The following ZC4H2 variants were observed in gnomAD, a reference collection of about 807,000 sequenced individuals.
The protein encoded by ZC4H2 is zinc finger C4H2 domain-containing protein.
For missense variants in ZC4H2, 137 were observed against 173.9 expected (o/e 0.79, Z 1.19); for synonymous variants, 84 against 66.3 (o/e 1.27, Z -1.30).
intron 1 of ZC4H2, among the ~76,000 whole-genome samples, chrX:64,925,961 C>A (rs904153613): frequency 7.2e-5 from 8 of 111,859 alleles, no homozygotes; most frequent in African/African-American, 2.6e-4. Context: ...GGACCAAGAC[C>A]CTGACTAAAG....
At chrX:64,975,862 A>G (rs1290833709) in intron 1 of ZC4H2, among the ~76,000 whole-genome samples, 1 of 111,267 alleles carries the variant, frequency 9.0e-6, no homozygotes, top group Non-Finnish European at 1.9e-5. Flanking sequence ...ATTCCTCTGC[A>G]ACCCCCAGTT....
At chrX:64,951,174 T>C (rs1419166320) in intron 1 of ZC4H2, among the ~76,000 whole-genome samples, 1 of 112,496 alleles carries the variant, frequency 8.9e-6, no homozygotes, top group Non-Finnish European at 1.9e-5. Flanking sequence ...CCACGGTATA[T>C]ATGTGCCACA....
At chrX:65,010,555 T>C (rs1292652528) in intron 1 of ZC4H2, among the ~76,000 whole-genome samples, 2 of 111,712 alleles carry the variant, frequency 1.8e-5, no homozygotes, top group Non-Finnish European at 1.9e-5. Context: ...TATCCCATAG[T>C]AGGGGAAGGG....
intron 1 of ZC4H2, among the ~76,000 whole-genome samples, chrX:64,948,213 T>C (rs1489368521): frequency 3.6e-5 from 4 of 111,681 alleles, no homozygotes; most frequent in African/African-American, 6.5e-5. Context: ...CATCCAAACT[T>C]GGTTTATAAG....
At chrX:64,989,950 T>G (rs1320346935) in intron 1 of ZC4H2, among the ~76,000 whole-genome samples, 1 of 111,979 alleles carries the variant, frequency 8.9e-6, no homozygotes, top group Non-Finnish European at 1.9e-5. Flanking sequence ...GGTACAACCA[T>G]TATGGACAAT....
At chrX:65,033,623 G>T (rs919142228) in intron 1 of ZC4H2, among the ~76,000 whole-genome samples, 8 of 111,735 alleles carry the variant, frequency 7.2e-5, no homozygotes, top group Non-Finnish European at 9.4e-5. Flanking sequence ...TATAGATAAT[G>T]AATCTATTGA....
At chrX:64,932,169 A>G (rs1929785249) in intron 1 of ZC4H2, among the ~76,000 whole-genome samples, 1 of 110,912 alleles carries the variant, frequency 9.0e-6, no homozygotes, top group Admixed American at 9.6e-5. Flanking sequence ...TGATATAAGA[A>G]TAGCTACTCC....
At chrX:64,962,858 A>C (rs1043729149) in intron 1 of ZC4H2, among the ~76,000 whole-genome samples, 4 of 111,417 alleles carry the variant, frequency 3.6e-5, no homozygotes, top group Non-Finnish European at 5.7e-5. Context: ...AAAGAAATTA[A>C]GGTAGACACA....
intron 1 of ZC4H2, among the ~76,000 whole-genome samples, chrX:64,924,345 T>C (rs1929337179): frequency 8.9e-6 from 1 of 112,353 alleles, no homozygotes; most frequent in Admixed American, 9.5e-5. Context: ...ATAGAGGGTT[T>C]CAATATATAT....
At chrX:65,008,293 G>A (rs191115465) in intron 1 of ZC4H2, among the ~76,000 whole-genome samples, 1 of 111,655 alleles carries the variant, frequency 9.0e-6, no homozygotes, top group Non-Finnish European at 1.9e-5. Context: ...TATGGCTTTT[G>A]TCTAAAAGAT....
chrX:65,019,842 A>G (rs1337705508), intron 1 of ZC4H2, among the ~76,000 whole-genome samples: 3 of 112,322 alleles, frequency 2.7e-5, no homozygotes, highest in African/African-American at 9.7e-5. Context: ...AAGAACATAA[A>G]TGATCCGATG....
intron 1 of ZC4H2, among the ~76,000 whole-genome samples, chrX:64,946,818 G>C (rs1323818603): frequency 9.0e-6 from 1 of 111,307 alleles, no homozygotes; most frequent in Admixed American, 9.5e-5. Context: ...TCATTTCTTT[G>C]TTGTTTTCTA....
chrX:64,999,179 C>T (rs1411965758), intron 1 of ZC4H2, among the ~76,000 whole-genome samples: 1 of 108,969 alleles, frequency 9.2e-6, no homozygotes. Flanking sequence ...CTCCGGTCTG[C>T]AGATCCCAGT....
At chrX:64,949,991 A>G (rs1191765092) in intron 1 of ZC4H2, among the ~76,000 whole-genome samples, 1 of 112,054 alleles carries the variant, frequency 8.9e-6, no homozygotes, top group Non-Finnish European at 1.9e-5. Flanking sequence ...ATTTAGTGAT[A>G]TAAATTTCCC....
intron 1 of ZC4H2, among the ~76,000 whole-genome samples, chrX:64,955,993 C>T (rs760659066): frequency 9.0e-6 from 1 of 111,608 alleles, no homozygotes; most frequent in Non-Finnish European, 1.9e-5. Context: ...TTTGTTAGAT[C>T]TTTCTTCCTT....
intron 1 of ZC4H2, among the ~76,000 whole-genome samples, chrX:64,973,342 T>A (rs1468277105): frequency 9.0e-6 from 1 of 110,812 alleles, no homozygotes; most frequent in African/African-American, 3.3e-5. Flanking sequence ...TTCAGTGTTT[T>A]CTCTCAGTAA....
At chrX:64,955,751 T>C (rs1051711300) in intron 1 of ZC4H2, among the ~76,000 whole-genome samples, 1 of 112,291 alleles carries the variant, frequency 8.9e-6, no homozygotes, top group African/African-American at 3.2e-5. Flanking sequence ...CTGTTGTGTG[T>C]ACTTATGGGG....
At chrX:64,982,082 G>A (rs1305842609) in intron 1 of ZC4H2, among the ~76,000 whole-genome samples, 1 of 111,280 alleles carries the variant, frequency 9.0e-6, no homozygotes, top group Admixed American at 9.6e-5. Context: ...CTGCAAGTCC[G>A]AAAAACCCTA....
intron 1 of ZC4H2, among the ~76,000 whole-genome samples, chrX:64,959,768 T>C (rs893227814): frequency 1.8e-5 from 2 of 110,548 alleles, no homozygotes; most frequent in Admixed American, 9.7e-5. Context: ...GCTCAGATAC[T>C]GACGACACCA....
Sources: gnomAD v4.1 joint callset for allele counts (sites outside exome capture counted in the v4.1 genomes callset) on GRCh38, gnomAD v4.1.1 for gene constraint, MANE v1.5 for transcripts, NCBI Gene and HGNC (gene_info 2026-07-23, HGNC 2026-07-21) for gene names.